Variants in PLCB1 observed in about 807,000 individuals in gnomAD.
The protein encoded by PLCB1 is phospholipase C beta 1.
Under a neutral mutation model 161.8 loss-of-function variants are expected in PLCB1, and 46 were observed. The observed-to-expected ratio is 0.28, with a 90% CI of 0.22 to 0.36. The LOEUF (loss-of-function observed/expected upper bound fraction) is 0.36. PLCB1 is among the 10% of genes least tolerant of loss of function. The pLI is 1.00. For missense variants in PLCB1, 1,016 were observed against 1,472.5 expected, an observed-to-expected ratio of 0.69 and a Z score of 5.07; for synonymous variants, 517 against 503.7, an observed-to-expected ratio of 1.03 and a Z score of -0.35.
chr20:8,699,468 CTT>C (rs1990652339), intron 11 of PLCB1, among the ~76,000 whole-genome samples: 1 of 152,146 alleles, frequency 6.6e-6, no homozygotes, highest in Non-Finnish European at 1.5e-5. Flanking sequence ...GGTAAAAACT[CTT>C]TTGGCTGCCT....
intron 3 of PLCB1, among the ~76,000 whole-genome samples, chr20:8,427,097 G>A (rs1979816269): frequency 6.6e-6 from 1 of 152,120 alleles, no homozygotes; most frequent in Admixed American, 6.5e-5. Flanking sequence ...TTTTGGTAGA[G>A]ATGGGGTTTC....
At chr20:8,703,870 G>A (rs537632323) in intron 11 of PLCB1, among the ~76,000 whole-genome samples, 35 of 152,286 alleles carry the variant, frequency 2.3e-4, no homozygotes, top group Non-Finnish European at 4.1e-4. Context: ...AGGAAGATAC[G>A]AGAGAGATTT....
rs143767365 is a variant in PLCB1, at chr20:8,136,026, C to A, written c.99+3276C>A. Among the ~76,000 whole-genome samples the A allele has an allele frequency of 1.5e-3, 228 of 152,224 alleles. 1 individual carries two copies. The highest frequency in any genetic ancestry group is 4.8e-3 in the African/African-American group (200 of 41,544). On this transcript the variant is annotated intron_variant, in intron 1 of 31. Transcript: ENST00000338037. The stretch of plus-strand genomic sequence containing the variant: ...AAGGACTGTAAACTGTACAATAGGA[C>A]CCCCAGCCACTGATTTGGCCCTGTT...
intron 31 of PLCB1, among the ~76,000 whole-genome samples, chr20:8,833,008 T>G (rs542766265): frequency 1.3e-5 from 2 of 152,304 alleles, no homozygotes; most frequent in Admixed American, 1.3e-4. Context: ...CCTTATCCTG[T>G]TTCCTGGAAC....
chr20:8,394,967 A>T (rs1377771337), intron 3 of PLCB1, among the ~76,000 whole-genome samples: 1 of 152,150 alleles, frequency 6.6e-6, no homozygotes, highest in Non-Finnish European at 1.5e-5. Flanking sequence ...CTATTTCAAG[A>T]TTTGTAATAC....
chr20:8,155,082 C>A (rs908419868), intron 2 of PLCB1, among the ~76,000 whole-genome samples: 2 of 152,180 alleles, frequency 1.3e-5, no homozygotes. Context: ...ACTCGTAGAG[C>A]TGACATTTCA....
At chr20:8,634,786 G>A (rs555991284) in intron 4 of PLCB1, among the ~76,000 whole-genome samples, 6 of 152,218 alleles carry the variant, frequency 3.9e-5, no homozygotes, top group African/African-American at 1.2e-4. Context: ...TGGGCACTGA[G>A]GATTCATCAG....
intron 3 of PLCB1, among the ~76,000 whole-genome samples, chr20:8,522,693 G>A (rs1033436655): frequency 3.3e-4 from 50 of 152,120 alleles, no homozygotes; most frequent in African/African-American, 1.2e-3. Context: ...ATTACAATAA[G>A]TATACGAAGC....
At position 8,429,467 on chromosome 20, in the gene PLCB1, G is replaced by A. The variant is rs534416186; in HGVS notation, c.246+58017G>A. On this transcript the variant is annotated intron_variant, in intron 3 of 31. Coordinates refer to ENST00000338037, the MANE Select transcript of PLCB1 (RefSeq NM_015192.4). The stretch of plus-strand genomic sequence containing the variant: ...GTTATGAATTCAATTTTGTGGATTG[G>A]GACCTGCAATTTAAAAAAAAGATGA... 3.7e-4 allele frequency among the ~76,000 whole-genome samples: 56 copies of A among 149,870 alleles called. 1 individual carries two copies. Among genetic ancestry groups the A allele is most frequent in the Non-Finnish European group, 2.1e-4 (14 of 66,656 alleles).
At chr20:8,653,322 T>C (rs952792892) in intron 7 of PLCB1, 14 of 152,058 alleles carry the variant, frequency 9.2e-5, no homozygotes, top group African/African-American at 3.1e-4. Flanking sequence ...ATTAGTATGT[T>C]GCCTTTCTTC....
At position 8,323,141 on chromosome 20, in the gene PLCB1, C is replaced by T. The variant is rs141655210; in HGVS notation, c.178-48241C>T. Among the ~76,000 whole-genome samples the T allele has an allele frequency of 5.6e-4, 85 of 152,148 alleles. 1 individual carries two copies. The highest frequency in any genetic ancestry group is 3.4e-3 in the Middle Eastern group (1 of 294). ...TAAACTTGATTATATGCACAGCTTG[C>T]GGGATTTGGTCATTCTCTTTCTTTC... is the stretch of plus-strand genomic sequence containing the variant. On this transcript the variant is annotated intron_variant, in intron 2 of 31. Coordinates refer to ENST00000338037, the MANE Select transcript of PLCB1 (RefSeq NM_015192.4).
chr20:8,712,424 A>G (rs1369063602), intron 12 of PLCB1, among the ~76,000 whole-genome samples: 4 of 152,232 alleles, frequency 2.6e-5, no homozygotes, highest in South Asian at 2.1e-4. Flanking sequence ...AGCTGCTTTC[A>G]ATGTATCCTG....
At chr20:8,185,794 C>T (rs1469538654) in intron 2 of PLCB1, among the ~76,000 whole-genome samples, 2 of 152,096 alleles carry the variant, frequency 1.3e-5, no homozygotes, top group Non-Finnish European at 2.9e-5. Context: ...TGCTTTGTCT[C>T]AGACTCCTCA....
At chr20:8,866,576 T>C (rs1054971306) in intron 31 of PLCB1, among the ~76,000 whole-genome samples, 2 of 152,210 alleles carry the variant, frequency 1.3e-5, no homozygotes, top group African/African-American at 2.4e-5. Context: ...TCTGGATTCT[T>C]TTGAAAAATC....
intron 2 of PLCB1, among the ~76,000 whole-genome samples, chr20:8,337,743 T>G (rs1985638923): frequency 6.6e-6 from 1 of 152,218 alleles, no homozygotes; most frequent in African/African-American, 2.4e-5. Context: ...CACCAGGGTT[T>G]TAAGCATTCT....
intron 7 of PLCB1, among the ~76,000 whole-genome samples, chr20:8,655,008 G>A (rs1600228938): frequency 6.6e-6 from 1 of 151,890 alleles, no homozygotes; most frequent in Non-Finnish European, 1.5e-5. Flanking sequence ...CAGTCAAGTT[G>A]GGCAAGAGAA....
chr20:8,448,360 G>A (rs1980927689), intron 3 of PLCB1, among the ~76,000 whole-genome samples: 1 of 152,150 alleles, frequency 6.6e-6, no homozygotes, highest in Non-Finnish European at 1.5e-5. Context: ...GATAATTATA[G>A]CTTTTCGTAG....
chr20:8,740,599 A>C (rs182180831), intron 22 of PLCB1, 151 bp downstream of exon 22: 154 of 501,838 alleles, frequency 3.1e-4, no homozygotes, highest in Non-Finnish European at 5.0e-4. Context: ...GTATGTTTAG[A>C]GGTAAATTGC....
chr20:8,649,471 T>C (rs188136520), intron 7 of PLCB1, 22 bp downstream of exon 7: 104 of 1,558,224 alleles, frequency 6.7e-5, no homozygotes, highest in Non-Finnish European at 8.9e-5. Flanking sequence ...TGTTATGCTA[T>C]AGTTTGAATG....
Sources: allele counts gnomAD v4.1 joint callset (sites outside exome capture counted in the v4.1 genomes callset), GRCh38; gene constraint gnomAD v4.1.1; transcripts MANE v1.5; gene names NCBI Gene and HGNC (gene_info 2026-07-23, HGNC 2026-07-21).